The following TSPAN5 variants were observed in gnomAD, a reference collection of about 807,000 sequenced individuals.
The protein encoded by TSPAN5 is tetraspanin-5.
In TSPAN5, 10 loss-of-function variants were observed where a neutral mutation model predicts 37.1. That is an observed-to-expected ratio of 0.27 (90% confidence interval 0.17 to 0.46). The LOEUF (loss-of-function observed/expected upper bound fraction) is 0.46. Among genes scored for constraint, TSPAN5 ranks in the 20% least tolerant of loss-of-function variants. The pLI, the probability that TSPAN5 is intolerant of heterozygous loss-of-function variation, is 1.00. For synonymous variants in TSPAN5, 110 were observed against 118.9 expected (o/e 0.93, Z 0.48); for missense variants, 195 against 326.6 (o/e 0.60, Z 3.11).
intron 1 of TSPAN5, among the ~76,000 whole-genome samples, chr4:98,608,642 A>T (rs1339875339): frequency 6.6e-6 from 1 of 152,140 alleles, no homozygotes; most frequent in Non-Finnish European, 1.5e-5. Context: ...CAGAGGCAGC[A>T]TGCTTCTCTC....
intron 1 of TSPAN5, among the ~76,000 whole-genome samples, chr4:98,607,423 G>A (rs548645858): frequency 1.3e-5 from 2 of 152,256 alleles, no homozygotes; most frequent in East Asian, 1.9e-4. Context: ...CTTACCTAAC[G>A]AAAGAATTTG....
intron 2 of TSPAN5, chr4:98,500,339 C>G (rs192451654): frequency 4.1e-4 from 63 of 152,346 alleles, no homozygotes; most frequent in African/African-American, 1.5e-3. Flanking sequence ...AAATCACAGA[C>G]AGTGGGCTGG....
intron 1 of TSPAN5, among the ~76,000 whole-genome samples, chr4:98,551,428 T>C (rs1218543118): frequency 6.6e-6 from 1 of 151,748 alleles, no homozygotes; most frequent in Non-Finnish European, 1.5e-5. Flanking sequence ...GTTTTTTTTT[T>C]TTGGAATAGT....
chr4:98,630,725 A>G (rs1240939055), intron 1 of TSPAN5, among the ~76,000 whole-genome samples: 2 of 152,210 alleles, frequency 1.3e-5, no homozygotes, highest in Non-Finnish European at 2.9e-5. Flanking sequence ...AAGTTCTCTG[A>G]GAAAGTATGT....
intron 1 of TSPAN5, among the ~76,000 whole-genome samples, chr4:98,533,775 C>A (rs1426686117): frequency 1.3e-5 from 2 of 148,856 alleles, no homozygotes; most frequent in Non-Finnish European, 3.0e-5. Flanking sequence ...TGGTCTCGAT[C>A]GCCTGACCTC....
intron 1 of TSPAN5, among the ~76,000 whole-genome samples, chr4:98,595,500 C>T (rs1423261381): frequency 8.2e-6 from 1 of 121,632 alleles, no homozygotes; most frequent in East Asian, 2.4e-4. Flanking sequence ...TTTGCTCTTG[C>T]TTTTCTAGTT....
At chr4:98,522,694 A>G (rs982373427) in intron 1 of TSPAN5, among the ~76,000 whole-genome samples, 10 of 152,218 alleles carry the variant, frequency 6.6e-5, no homozygotes, top group African/African-American at 1.9e-4. Flanking sequence ...TTTGTTGTGG[A>G]TGACAAATAA....
intron 1 of TSPAN5, among the ~76,000 whole-genome samples, chr4:98,585,865 G>C (rs1484750955): frequency 1.3e-5 from 2 of 152,198 alleles, no homozygotes; most frequent in Admixed American, 6.5e-5. Context: ...AGACACTGTA[G>C]AAGATCAGTA....
intron 1 of TSPAN5, among the ~76,000 whole-genome samples, chr4:98,588,078 C>T (rs17027806): frequency 0.075 from 11,355 of 152,232 alleles, 486 homozygotes; most frequent in South Asian, 0.1. Context: ...CCGCCCTGCA[C>T]AGTCTATTCT....
intron 1 of TSPAN5, among the ~76,000 whole-genome samples, chr4:98,609,857 G>C (rs1271557752): frequency 1.3e-5 from 2 of 152,168 alleles, no homozygotes; most frequent in African/African-American, 2.4e-5. Flanking sequence ...TGAGTTGAAG[G>C]ATTCTGAGCA....
chr4:98,582,251 G>T (rs1028218244), intron 1 of TSPAN5, among the ~76,000 whole-genome samples: 1 of 152,180 alleles, frequency 6.6e-6, no homozygotes, highest in Non-Finnish European at 1.5e-5. Context: ...CGCATGTTGC[G>T]TTTGCTGGCT....
chr4:98,480,098 G>A (rs150974562), intron 4 of TSPAN5, among the ~76,000 whole-genome samples: 1,811 of 152,146 alleles, frequency 0.012, 37 homozygotes, highest in African/African-American at 0.041. Flanking sequence ...ATTATTTCTC[G>A]ACCTGCCGAT....
intron 2 of TSPAN5, among the ~76,000 whole-genome samples, chr4:98,488,721 T>C (rs960374259): frequency 2.6e-5 from 4 of 152,096 alleles, no homozygotes; most frequent in Non-Finnish European, 5.9e-5. Flanking sequence ...CCTATACAAA[T>C]GATGCTGAGA....
intron 1 of TSPAN5, among the ~76,000 whole-genome samples, chr4:98,589,646 C>T (rs766347080): frequency 1.4e-4 from 22 of 152,212 alleles, no homozygotes; most frequent in Non-Finnish European, 1.8e-4. Flanking sequence ...ACGCCAGCTA[C>T]GCGCAGACTA....
intron 1 of TSPAN5, among the ~76,000 whole-genome samples, chr4:98,633,008 C>T (rs765591186): frequency 1.2e-4 from 18 of 152,142 alleles, no homozygotes; most frequent in Non-Finnish European, 2.2e-4. Flanking sequence ...GGAAGGCAGA[C>T]AGCAGGAAGC....
intron 1 of TSPAN5, among the ~76,000 whole-genome samples, chr4:98,651,159 C>T (rs1169328827): frequency 6.6e-6 from 1 of 152,192 alleles, no homozygotes. Context: ...AAATCAATGC[C>T]ACCCTGATAG....
intron 1 of TSPAN5, among the ~76,000 whole-genome samples, chr4:98,628,252 G>T (rs1241670813): frequency 6.6e-6 from 1 of 152,018 alleles, no homozygotes; most frequent in Non-Finnish European, 1.5e-5. Flanking sequence ...CTAGACTAGT[G>T]TTTGTGGGGC....
At chr4:98,489,912 G>A (rs905682971) in intron 2 of TSPAN5, among the ~76,000 whole-genome samples, 5 of 152,092 alleles carry the variant, frequency 3.3e-5, no homozygotes, top group Non-Finnish European at 4.4e-5. Flanking sequence ...AAGGACCCCC[G>A]GTAACAATAC....
At chr4:98,652,949 C>T (rs1757221902) in intron 1 of TSPAN5, among the ~76,000 whole-genome samples, 2 of 152,158 alleles carry the variant, frequency 1.3e-5, no homozygotes, top group Non-Finnish European at 1.5e-5. Flanking sequence ...TGCTTCTGCG[C>T]CTTCATACTG....
Sources: allele counts gnomAD v4.1 joint callset (sites outside exome capture counted in the v4.1 genomes callset), GRCh38; gene constraint gnomAD v4.1.1; transcripts MANE v1.5; gene names NCBI Gene and HGNC (gene_info 2026-07-23, HGNC 2026-07-21).